HPSE2: variants seen among roughly 807,000 people sequenced by gnomAD.
HPSE2 encodes the protein heparanase 2 (inactive), also known as inactive heparanase-2.
In HPSE2, 38 loss-of-function variants were observed where a neutral mutation model predicts 60.5. The observed-to-expected ratio is 0.63, with a 90% CI of 0.48 to 0.82. HPSE2 has a LOEUF of 0.82. Among genes scored for constraint, HPSE2 ranks in the 40% least tolerant of loss-of-function variants. The pLI, the probability that HPSE2 is intolerant of heterozygous loss-of-function variation, is 0.00. For missense variants in HPSE2, 713 were observed against 740.4 expected, an observed-to-expected ratio of 0.96 and a Z score of 0.43; for synonymous variants, 295 against 293.2, an observed-to-expected ratio of 1.01 and a Z score of -0.06.
chr10:98,544,118 T>A (rs11189662), intron 9 of HPSE2, among the ~76,000 whole-genome samples: 130,786 of 151,954 alleles, frequency 0.86, 57,248 homozygotes, highest in East Asian at 1. Flanking sequence ...AATAGAAATT[T>A]TAACAAACTG....
At chr10:98,776,408 T>C (rs567726969) in intron 3 of HPSE2, among the ~76,000 whole-genome samples, 33 of 152,172 alleles carry the variant, frequency 2.2e-4, no homozygotes, top group African/African-American at 6.5e-4. Context: ...GATCACGCCA[T>C]TGTACTCCAG....
chr10:98,919,730 G>C (rs1954227370), intron 3 of HPSE2, among the ~76,000 whole-genome samples: 1 of 152,094 alleles, frequency 6.6e-6, no homozygotes, highest in Non-Finnish European at 1.5e-5. Flanking sequence ...TAGATACCAA[G>C]TGGCAAAGTT....
At chr10:99,197,998 G>A (rs1848457559) in intron 2 of HPSE2, among the ~76,000 whole-genome samples, 1 of 151,446 alleles carries the variant, frequency 6.6e-6, no homozygotes, top group South Asian at 2.1e-4. Context: ...TTGAACCCAG[G>A]AAGCACAGGT....
intron 11 of HPSE2, among the ~76,000 whole-genome samples, chr10:98,460,619 A>C (rs1262939653): frequency 1.3e-5 from 2 of 152,198 alleles, no homozygotes; most frequent in African/African-American, 4.8e-5. Context: ...CCTAAAAAAA[A>C]CAAAAAATGA....
chr10:98,864,058 T>C (rs1261975417), intron 3 of HPSE2, among the ~76,000 whole-genome samples: 2 of 152,220 alleles, frequency 1.3e-5, no homozygotes, highest in East Asian at 3.9e-4. Flanking sequence ...AATTCTGAGA[T>C]TCCCAGAAAC....
At chr10:98,524,659 A>C (rs1942906366) in intron 9 of HPSE2, among the ~76,000 whole-genome samples, 1 of 152,226 alleles carries the variant, frequency 6.6e-6, no homozygotes, top group Non-Finnish European at 1.5e-5. Flanking sequence ...GAAGGTAGAA[A>C]GTATTGGTAG....
intron 5 of HPSE2, among the ~76,000 whole-genome samples, chr10:98,705,126 T>C (rs1948512007): frequency 6.6e-6 from 1 of 152,196 alleles, no homozygotes; most frequent in South Asian, 2.1e-4. Flanking sequence ...AAAGAAGATA[T>C]TAATGTGGTG....
chr10:98,971,782 A>G (rs1955959913), intron 3 of HPSE2, among the ~76,000 whole-genome samples: 1 of 152,136 alleles, frequency 6.6e-6, no homozygotes, highest in Non-Finnish European at 1.5e-5. Flanking sequence ...ATAGACCCAC[A>G]TGAGAATTCC....
chr10:99,083,966 C>CTTTTTTTT (rs34799799), intron 3 of HPSE2, among the ~76,000 whole-genome samples: 1 of 79,760 alleles, frequency 1.3e-5, no homozygotes, highest in Non-Finnish European at 2.3e-5. Context: ...GTGTGAAAGC[C>CTTTTTTTT]TTTTTTTTTT....
At chr10:98,549,913 G>T (rs1175471244) in intron 9 of HPSE2, among the ~76,000 whole-genome samples, 1 of 151,998 alleles carries the variant, frequency 6.6e-6, no homozygotes, top group Non-Finnish European at 1.5e-5. Flanking sequence ...TACTCCCACG[G>T]TTCAGCTCTA....
chr10:98,571,805 C>T (rs1303207112), intron 9 of HPSE2, among the ~76,000 whole-genome samples: 3 of 152,200 alleles, frequency 2.0e-5, no homozygotes, highest in Non-Finnish European at 2.9e-5. Context: ...TCTTTCAGCC[C>T]AGCCTGATTC....
the HPSE2 span, among the ~76,000 whole-genome samples, chr10:99,263,204 C>T: frequency 1.3e-5 from 2 of 152,166 alleles, no homozygotes. Context: ...GGCAGTTCCA[C>T]CAGGCCTAAT....
intron 9 of HPSE2, among the ~76,000 whole-genome samples, chr10:98,601,962 G>GGTCACAGTC (rs1945439170): frequency 6.6e-6 from 1 of 152,184 alleles, no homozygotes; most frequent in Admixed American, 6.5e-5. Context: ...CACAGTTCTT[G>GGTCACAGTC]ACAGCTACAG....
chr10:98,997,191 C>T (rs577408351), intron 3 of HPSE2, among the ~76,000 whole-genome samples: 2 of 144,896 alleles, frequency 1.4e-5, no homozygotes, highest in Non-Finnish European at 3.0e-5. Flanking sequence ...CAGCTCACTG[C>T]AACCTCCGCC....
At position 98,459,224 on chromosome 10, in the gene HPSE2, G is replaced by C. The variant is rs541319991; in HGVS notation, c.*350C>G. 2 of 335,960 alleles carry C rather than the reference G, an allele frequency of 6.0e-6. No individual in the cohort carries two copies. Among genetic ancestry groups the C allele is most frequent in the African/African-American group, 2.1e-5 (1 of 47,226 alleles). 20.8% of individuals were successfully genotyped at this position (335,960 alleles called of 1,614,324 possible). On this transcript the variant is annotated 3_prime_UTR_variant, in exon 12 of 12. Coordinates refer to ENST00000370552, the MANE Select transcript of HPSE2 (RefSeq NM_021828.5). ...TAAGGTTTGGATTTGTGGTTATAAT[G>C]CTGTGTGACAGGATCATGGGGAGTT...
intron 3 of HPSE2, among the ~76,000 whole-genome samples, chr10:99,046,204 C>G (rs1376708956): frequency 6.6e-6 from 1 of 151,872 alleles, no homozygotes; most frequent in African/African-American, 2.4e-5. Flanking sequence ...TGTGATTCAC[C>G]ACATTAACAG....
the HPSE2 span, among the ~76,000 whole-genome samples, chr10:99,294,575 T>G: frequency 1.3e-5 from 2 of 151,120 alleles, no homozygotes; most frequent in Non-Finnish European, 2.9e-5. Flanking sequence ...TCTAAGACAT[T>G]GTAAGTGGGA....
intron 3 of HPSE2, among the ~76,000 whole-genome samples, chr10:99,034,153 A>G (rs371434936): frequency 4.5e-4 from 68 of 152,370 alleles, no homozygotes; most frequent in African/African-American, 1.5e-3. Flanking sequence ...AACAATTAAA[A>G]GGAACAAACT....
At chr10:98,882,392 A>AT (rs952231968) in intron 3 of HPSE2, among the ~76,000 whole-genome samples, 22 of 150,644 alleles carry the variant, frequency 1.5e-4, no homozygotes, top group African/African-American at 3.4e-4. Context: ...TTACAACAAT[A>AT]TTTTTTTTTT....
Sources: allele counts gnomAD v4.1 joint callset (sites outside exome capture counted in the v4.1 genomes callset), GRCh38; gene constraint gnomAD v4.1.1; transcripts MANE v1.5; gene names NCBI Gene and HGNC (gene_info 2026-07-23, HGNC 2026-07-21).